Variants in DSCAM observed in about 807,000 individuals in gnomAD.
DSCAM encodes the protein cell adhesion molecule DSCAM.
A neutral mutation model predicts 217.7 loss-of-function variants in DSCAM; 47 were observed. That is an observed-to-expected ratio of 0.22 (90% confidence interval 0.17 to 0.28). DSCAM has a LOEUF of 0.28. DSCAM is among the 10% of genes least tolerant of loss of function. DSCAM has a pLI of 1.00. For missense variants in DSCAM, 2,080 were observed against 2,618.3 expected (o/e 0.79, Z 4.49); for synonymous variants, 1,056 against 1,015.3 (o/e 1.04, Z -0.76).
At chr21:40,231,042 A>G (rs1331399147) in intron 11 of DSCAM, among the ~76,000 whole-genome samples, 1 of 148,726 alleles carries the variant, frequency 6.7e-6, no homozygotes, top group African/African-American at 2.5e-5. Context: ...TAGATCATAT[A>G]GGTAGGCTGG....
At chr21:40,638,176 A>G (rs543016919) in intron 3 of DSCAM, among the ~76,000 whole-genome samples, 2 of 152,294 alleles carry the variant, frequency 1.3e-5, no homozygotes, top group Admixed American at 1.3e-4. Flanking sequence ...GATTTGTAAT[A>G]AACAGAAACA....
At chr21:40,562,992 G>T (rs565253698) in intron 3 of DSCAM, among the ~76,000 whole-genome samples, 13 of 152,198 alleles carry the variant, frequency 8.5e-5, no homozygotes, top group Non-Finnish European at 1.6e-4. Context: ...TTTAGATTCA[G>T]AGGCTACATG....
intron 11 of DSCAM, among the ~76,000 whole-genome samples, chr21:40,193,909 C>T (rs181115377): frequency 1.3e-5 from 2 of 152,258 alleles, no homozygotes; most frequent in African/African-American, 4.8e-5. Context: ...TCTAGGAGCT[C>T]CAAGGCTGGT....
intron 3 of DSCAM, among the ~76,000 whole-genome samples, chr21:40,601,148 T>C (rs563108660): frequency 1.1e-4 from 16 of 152,338 alleles, no homozygotes; most frequent in Non-Finnish European, 1.9e-4. Context: ...TTGAGTCCTG[T>C]CCATGACAAT....
At chr21:40,342,626 G>GTGTGTATATATATA (rs1491362590) in intron 6 of DSCAM, among the ~76,000 whole-genome samples, 200 of 94,642 alleles carry the variant, frequency 2.1e-3, no homozygotes, top group African/African-American at 9.3e-3. Flanking sequence ...GTGTGTGTGT[G>GTGTGTATATATATA]TATATATATA....
At chr21:40,682,212 C>G (rs1259087395) in intron 3 of DSCAM, among the ~76,000 whole-genome samples, 1 of 151,850 alleles carries the variant, frequency 6.6e-6, no homozygotes, top group Non-Finnish European at 1.5e-5. Context: ...AGTGAATAAG[C>G]AGGACCAGGA....
At chr21:40,088,534 C>CT (rs1338102737) in intron 21 of DSCAM, among the ~76,000 whole-genome samples, 1 of 152,172 alleles carries the variant, frequency 6.6e-6, no homozygotes, top group African/African-American at 2.4e-5. Flanking sequence ...TGCCAGAGGG[C>CT]TTAGAAGCTG....
At position 40,080,188 on chromosome 21, in the gene DSCAM, T is replaced by A; in HGVS notation, c.4384A>T (p.Ile1462Leu). The A allele has an allele frequency of 1.9e-6, 3 of 1,594,970 alleles. No homozygotes were observed. Among genetic ancestry groups the A allele is most frequent in the Non-Finnish European group, 2.6e-6 (3 of 1,171,926 alleles). Reference sequence around the variant, plus strand: ...GTCTTTGCTTCTATGATTTCACTTATGCGCCCTGGGCCCACTCCATTTTGG... The same window carrying A: ...GTCTTTGCTTCTATGATTTCACTTAAGCGCCCTGGGCCCACTCCATTTTGG... ...TAQNGVGPGR[I>L]SEIIEAKTLG... The change falls in exon 25 of 33, where the codon ATA (isoleucine) becomes TTA (leucine). Residue 1462 changes from isoleucine to leucine, a missense_variant. Ile to Leu is a conservative substitution (Grantham distance 5). This residue lies in a region of DSCAM where 1,144 missense variants were observed against 1,421.1 expected (regional missense o/e 0.81). Coordinates refer to ENST00000400454, the MANE Select transcript of DSCAM (RefSeq NM_001389.5).
intron 32 of DSCAM, among the ~76,000 whole-genome samples, chr21:40,037,940 G>T (rs1040182711): frequency 2.7e-5 from 4 of 147,044 alleles, no homozygotes; most frequent in African/African-American, 1.0e-4. Context: ...TTAATAAATG[G>T]TGCTGGGAAA....
intron 3 of DSCAM, among the ~76,000 whole-genome samples, chr21:40,496,972 T>G (rs2076123612): frequency 6.6e-6 from 1 of 152,108 alleles, no homozygotes; most frequent in South Asian, 2.1e-4. Context: ...ATGGCTGTTA[T>G]CAAAAAGACA....
intron 3 of DSCAM, among the ~76,000 whole-genome samples, chr21:40,633,789 T>G (rs1397844862): frequency 6.6e-6 from 1 of 152,132 alleles, no homozygotes; most frequent in Non-Finnish European, 1.5e-5. Flanking sequence ...TGAGAGCGTG[T>G]TCAATGGTGT....
Position 40,708,584 on chromosome 21 carries a change from G to T in DSCAM, c.231C>A (p.Pro77=). 1 of 1,610,622 alleles carries T rather than the reference G, an allele frequency of 6.2e-7. No homozygotes were observed. The highest frequency in any genetic ancestry group is 8.5e-7 in the Non-Finnish European group (1 of 1,178,242). Residue 77 remains proline, a synonymous_variant, in exon 2 of 33, where the codon CCC becomes CCA. Transcript: ENST00000400454. Reference sequence around the variant, plus strand: ...AGGGGAAAATTTGGAGAGTGCCGTTGGGGTGGACGTGGCGGATCCCGGGGA... The same window carrying T: ...AGGGGAAAATTTGGAGAGTGCCGTTTGGGTGGACGTGGCGGATCCCGGGGA... ...YDVPGIRHVH[P]NGTLQIFPFP...
At chr21:40,054,943 C>G (rs2088989711) in intron 29 of DSCAM, among the ~76,000 whole-genome samples, 1 of 152,178 alleles carries the variant, frequency 6.6e-6, no homozygotes, top group Non-Finnish European at 1.5e-5. Flanking sequence ...CTTATAAAAA[C>G]TATGTGACAT....
chr21:40,519,865 C>A (rs577975850), intron 3 of DSCAM, among the ~76,000 whole-genome samples: 2 of 150,404 alleles, frequency 1.3e-5, no homozygotes, highest in Non-Finnish European at 3.0e-5. Flanking sequence ...TGTGTGTATG[C>A]GTGTGTGTGT....
At chr21:40,693,885 C>A (rs1267045449) in intron 2 of DSCAM, among the ~76,000 whole-genome samples, 14 of 152,072 alleles carry the variant, frequency 9.2e-5, no homozygotes. Flanking sequence ...CAGAACCTAC[C>A]TAGCAGGCCC....
chr21:40,137,178 G>GAAAAAAAA (rs34652896), intron 18 of DSCAM, among the ~76,000 whole-genome samples: 4 of 64,512 alleles, frequency 6.2e-5, no homozygotes, highest in Admixed American at 2.2e-4. Context: ...CTGTCTCAAG[G>GAAAAAAAA]AAAAAAAAAA....
intron 3 of DSCAM, among the ~76,000 whole-genome samples, chr21:40,377,619 C>G (rs2837590): frequency 0.68 from 102,692 of 151,480 alleles, 35,512 homozygotes; most frequent in African/African-American, 0.81. Flanking sequence ...AGTCAAGCTG[C>G]AGACAGGGCG....
chr21:40,265,190 C>T (rs1014157235), intron 11 of DSCAM, among the ~76,000 whole-genome samples: 33 of 146,866 alleles, frequency 2.2e-4, no homozygotes, highest in Non-Finnish European at 3.4e-4. Flanking sequence ...AGCAAAATTC[C>T]GTCTCAAAAA....
Position 40,042,609 on chromosome 21 carries a change from C to T in DSCAM, c.5448G>A (p.Arg1816=). The T allele has an allele frequency of 2.5e-6, 4 of 1,613,984 alleles. No individual in the cohort carries two copies. The Admixed American group carries it at 5.0e-5, about 20-fold the overall frequency. ...SASSTYEELA[R]AYEHAKMEEQ... ...CTTCCATCTTGGCGTGTTCGTAGGCCCTGGCCAGTTCTTCGTAAGTGGAGG... is the reference window on the plus strand; with the variant it reads ...CTTCCATCTTGGCGTGTTCGTAGGCTCTGGCCAGTTCTTCGTAAGTGGAGG... Residue 1816 remains arginine, a synonymous_variant, in exon 32 of 33, where the codon AGG becomes AGA. Coordinates refer to ENST00000400454, the MANE Select transcript of DSCAM (RefSeq NM_001389.5).
Sources: gnomAD v4.1 joint callset for allele counts (sites outside exome capture counted in the v4.1 genomes callset) on GRCh38, gnomAD v4.1.1 for gene constraint, gnomAD v4.1.1 regional missense constraint, MANE v1.5 for transcripts, NCBI Gene and HGNC (gene_info 2026-07-23, HGNC 2026-07-21) for gene names.